The following PPRC1 variants were observed in gnomAD, a reference collection of about 807,000 sequenced individuals.
PPRC1 encodes the protein peroxisome proliferator-activated receptor gamma coactivator-related protein 1.
A neutral mutation model predicts 132.5 loss-of-function variants in PPRC1; 23 were observed. That is an observed-to-expected ratio of 0.17 (90% CI 0.12 to 0.25). PPRC1 has a LOEUF of 0.25. Ranked by LOEUF, PPRC1 falls within the 10% of genes least tolerant of loss-of-function variation. The probability of loss-of-function intolerance (pLI) is 1.00; values close to 1 mark genes in which losing one functional copy is unlikely to be tolerated. For missense variants in PPRC1, 2,006 were observed against 2,089.1 expected (o/e 0.96, Z 0.78); for synonymous variants, 872 against 833.5 (o/e 1.05, Z -0.80).
At chr10:102,122,123 T>A in the PPRC1 span, among the ~76,000 whole-genome samples, 1 of 151,738 alleles carries the variant, frequency 6.6e-6, no homozygotes, top group Middle Eastern at 3.4e-3. Context: ...AGAGAGGACC[T>A]GACTGAAGCC....
At chr10:102,120,590 A>G in the PPRC1 span, 1 of 170,260 alleles carries the variant, frequency 5.9e-6, no homozygotes, top group Non-Finnish European at 1.2e-5. Context: ...GCAGCAAGCG[A>G]CGACGTGCGT....
chr10:102,136,070 G>A (rs1237318029), intron 1 of PPRC1, among the ~76,000 whole-genome samples: 1 of 152,198 alleles, frequency 6.6e-6, no homozygotes, highest in Non-Finnish European at 1.5e-5. Context: ...GCTCTGGTAG[G>A]TAGGTGGTGG....
chr10:102,143,598 CAAAAAAAAAA>C (rs774584823), intron 6 of PPRC1, among the ~76,000 whole-genome samples: 1 of 57,918 alleles, frequency 1.7e-5, no homozygotes, highest in African/African-American at 6.1e-5. Flanking sequence ...GACTCTGTCT[CAAAAAAAAAA>C]AAAAAAAAAA....
chr10:102,140,822 C>G lies in PPRC1; in HGVS notation c.2314C>G (p.Pro772Ala), dbSNP rs1346007594. The G allele has an allele frequency of 6.2e-7, 1 of 1,613,962 alleles. No individual in the cohort carries two copies. The highest frequency in any genetic ancestry group is 2.2e-5 in the East Asian group (1 of 44,860). ...QRQAETEERS[P>A]QPPTGKWPSL... is the part of the protein sequence containing the mutation. Reference sequence around the variant, plus strand: ...CCAAGCAGAAACAGAAGAGAGAAGTCCACAGCCCCCAACTGGGAAGTGGCC... The same window carrying G: ...CCAAGCAGAAACAGAAGAGAGAAGTGCACAGCCCCCAACTGGGAAGTGGCC... Residue 772 changes from proline (P) to alanine (A), a missense_variant, in exon 5 of 14, where the codon CCA becomes GCA. This residue lies in a region of PPRC1 where 1,914 missense variants were observed against 1,917.2 expected (regional missense o/e 1.00). Coordinates refer to ENST00000278070, the MANE Select transcript of PPRC1 (RefSeq NM_015062.5).
chr10:102,134,477 A>G (rs571307332), intron 1 of PPRC1, among the ~76,000 whole-genome samples: 1 of 152,310 alleles, frequency 6.6e-6, no homozygotes, highest in African/African-American at 2.4e-5. Context: ...GGCAGGAATT[A>G]GTTTGAACTG....
Position 102,137,419 on chromosome 10 carries a change from G to T in PPRC1, c.154-431G>T, listed in dbSNP as rs761629046. On this transcript the variant is annotated intron_variant, in intron 1 of 13. Coordinates refer to ENST00000278070, the MANE Select transcript of PPRC1 (RefSeq NM_015062.5). ...TGGGGTGTCTTCTTGAAGAAGGTAG[G>T]ATTTGCACTAAGCAGAGAACTAAAT... Among the ~76,000 whole-genome samples, 4 of 152,164 alleles carry T rather than the reference G, an allele frequency of 2.6e-5. No homozygotes were observed. In the East Asian group the frequency reaches 7.7e-4, roughly 29 times the overall value.
chr10:102,133,339 G>A, intron 1 of PPRC1, 118 bp downstream of exon 1: 2 of 950,894 alleles, frequency 2.1e-6, no homozygotes, highest in African/African-American at 1.7e-5. Flanking sequence ...GTGGCCGCGG[G>A]AGCCGGGCCG....
Position 102,141,259 on chromosome 10 carries a change from T to C in PPRC1, c.2751T>C (p.Tyr917=). 6.2e-7 allele frequency: 1 copy of C among 1,614,084 alleles called. No homozygotes were observed. Among genetic ancestry groups the C allele is most frequent in the Admixed American group, 1.7e-5 (1 of 60,016 alleles). ...GPVLPDPFTH[Y]APLPSWPCYP... ...TACTACCTGATCCGTTTACTCACTA[T>C]GCCCCCTTGCCATCCTGGCCTTGTT... The change falls in exon 5 of 14, where the codon TAT becomes TAC. Residue 917 remains tyrosine, a synonymous_variant. Transcript: ENST00000278070.
Position 102,138,691 on chromosome 10 carries a change from G to C in PPRC1, c.415G>C (p.Asp139His). The C allele has an allele frequency of 6.2e-7, 1 of 1,614,222 alleles. No homozygotes were observed. The highest frequency in any genetic ancestry group is 8.5e-7 in the Non-Finnish European group (1 of 1,180,034). The change falls in exon 3 of 14, where the codon GAT becomes CAT. Residue 139 changes from aspartate to histidine, a missense_variant. This residue lies in a region of PPRC1 where 1,914 missense variants were observed against 1,917.2 expected (regional missense o/e 1.00). Coordinates refer to ENST00000278070, the MANE Select transcript of PPRC1 (RefSeq NM_015062.5). ...TCTGACGGAGATCTTGGACAATGCAGATTCTGAGAACCTTTCTCCATTTGA... is the reference window on the plus strand; with the variant it reads ...TCTGACGGAGATCTTGGACAATGCACATTCTGAGAACCTTTCTCCATTTGA... ...TALTEILDNA[D>H]SENLSPFDSI...
chr10:102,127,671 GC>G, the PPRC1 span, among the ~76,000 whole-genome samples: 1 of 152,056 alleles, frequency 6.6e-6, no homozygotes, highest in African/African-American at 2.4e-5. Flanking sequence ...CTCCCAAAGT[GC>G]TGGGATTACA....
rs769377206 is a variant in PPRC1, at chr10:102,139,851, A to G, written c.1343A>G (p.Asn448Ser). Residue 448 changes from asparagine (N) to serine (S), a missense_variant, in exon 5 of 14, where the codon AAT becomes AGT. By Grantham distance (46) the Asn-to-Ser change is conservative (BLOSUM62 1). Around this residue, in one of 2 missense-constraint regions of PPRC1, gnomAD observed 1,914 missense variants for 1,917.2 expected, o/e 1.00. Transcript: ENST00000278070. The part of the protein sequence containing the change: ...VPKEPQNPPA[N>S]AAPGSQRARK... ...AAGGAGCCTCAGAACCCACCTGCCA[A>G]TGCAGCACCAGGTTCCCAGAGAGCT... The G allele has an allele frequency of 1.5e-5, 25 of 1,614,094 alleles. No homozygotes were observed. The African/African-American group carries it at 2.0e-4, about 13-fold the overall frequency.
intron 1 of PPRC1, among the ~76,000 whole-genome samples, chr10:102,134,695 G>A (rs1359288715): frequency 1.3e-5 from 2 of 152,092 alleles, no homozygotes; most frequent in African/African-American, 2.4e-5. Flanking sequence ...TTTGGGGCTG[G>A]TGCTGCCTAC....
In PPRC1 at chr10:102,144,439, C is replaced by T. The variant is rs1295018018; in HGVS notation, c.3608+132C>T. 1.1e-5 allele frequency: 9 copies of T among 838,628 alleles called. No homozygotes were observed. The East Asian group carries it at 2.1e-4, about 20-fold the overall frequency. 51.9% of individuals were successfully genotyped at this position (838,628 alleles called of 1,614,324 possible). A position where few individuals can be genotyped will look rare whatever the true frequency, so the allele number is the denominator to read the frequency against. On this transcript the variant is annotated intron_variant, in intron 7 of 13. Transcript: ENST00000278070. The stretch of plus-strand genomic sequence containing the variant: ...GCTCTAGAGTCTTTCCCTGTTTCCC[C>T]ACCCCTTACTCTGCCTATCACTACC...
rs947955237 is a variant in PPRC1 at position 102,141,886 on chromosome 10, G to C, written c.3378G>C (p.Gln1126His). 5 of 1,614,040 alleles carry C rather than the reference G, an allele frequency of 3.1e-6. No homozygotes were observed. The African/African-American group carries it at 5.3e-5, about 17-fold the overall frequency. Residue 1126 changes from glutamine (Q) to histidine (H), a missense_variant, in exon 5 of 14, where the codon CAG becomes CAC. Coordinates refer to ENST00000278070, the MANE Select transcript of PPRC1 (RefSeq NM_015062.5). ...CCAAGGCTGTTCCCACACCAAGGCA[G>C]AGCACTGTCCCCAAGCTGCCTGCTG... ...PATKAVPTPR[Q>H]STVPKLPAVH...
At chr10:102,138,816 C>T (rs2068821372) in intron 3 of PPRC1, 51 bp downstream of exon 3, 1 of 1,612,636 alleles carries the variant, frequency 6.2e-7, no homozygotes, top group Admixed American at 1.7e-5. Flanking sequence ...AGACCCATGC[C>T]TGTGGACCTA....
At chr10:102,142,153 C>T (rs769311727) in intron 5 of PPRC1, 149 bp downstream of exon 5, 1 of 994,336 alleles carries the variant, frequency 1.0e-6, no homozygotes, top group Non-Finnish European at 1.4e-6. Context: ...TGCTCTGTCT[C>T]CAGGCTGGAG....
chr10:102,149,872 C>G (rs997622649), intron 13 of PPRC1, 54 bp from the exon 14 acceptor site: 7 of 1,369,436 alleles, frequency 5.1e-6, no homozygotes, highest in South Asian at 1.2e-5. Context: ...ATTTGCAGAC[C>G]CTGTGGTTGG....
Position 102,147,403 on chromosome 10 carries a change from A to G in PPRC1, c.4400+11A>G. On this transcript the variant is annotated intron_variant, in intron 9 of 13. Coordinates refer to ENST00000278070, the MANE Select transcript of PPRC1 (RefSeq NM_015062.5). ...CAAGAGGTGGCGAAGGTGAGCTTTG[A>G]TGGCCCTGTAGGTCCTCTCCATTTA... The G allele has an allele frequency of 6.3e-7, 1 of 1,595,990 alleles. No homozygotes were observed. The highest frequency in any genetic ancestry group is 1.3e-5 in the African/African-American group (1 of 74,936).
In PPRC1 at chr10:102,141,182, C is replaced by T; in HGVS notation, c.2674C>T (p.Leu892=). Residue 892 remains leucine, a synonymous_variant, in exon 5 of 14, where the codon CTG becomes TTG. Transcript: ENST00000278070. ...PAGGLGMPPS[L]PPPPLQPPSL... The stretch of plus-strand genomic sequence containing the variant: ...AGGTGGGCTTGGCATGCCCCCCAGT[C>T]TGCCCCCACCTCCCTTGCAGCCTCC... 6.2e-7 allele frequency: 1 copy of T among 1,614,012 alleles called. No individual in the cohort carries two copies. Among genetic ancestry groups the T allele is most frequent in the Non-Finnish European group, 8.5e-7 (1 of 1,179,958 alleles).
Sources: gnomAD v4.1 joint callset for allele counts (sites outside exome capture counted in the v4.1 genomes callset) on GRCh38, gnomAD v4.1.1 for gene constraint, gnomAD v4.1.1 regional missense constraint, MANE v1.5 for transcripts, NCBI Gene and HGNC (gene_info 2026-07-23, HGNC 2026-07-21) for gene names.